Variants in KCNQ1 observed in about 807,000 individuals in gnomAD.
The protein encoded by KCNQ1 is potassium voltage-gated channel subfamily Q member 1, also known as potassium voltage-gated channel subfamily KQT member 1.
KCNQ1 carries 49 observed loss-of-function variants against 72.4 expected under a neutral mutation model. The ratio of observed to expected loss-of-function variants is 0.68; its 90% CI spans 0.54 to 0.86. The LOEUF (loss-of-function observed/expected upper bound fraction) is 0.86, where lower values mean the gene tolerates loss of function less well. KCNQ1 is among the 40% of genes least tolerant of loss of function. The pLI is 0.00. For missense variants in KCNQ1, 790 were observed against 945.1 expected (o/e 0.84, Z 2.15); for synonymous variants, 450 against 412.6 (o/e 1.09, Z -1.10).
At position 2,651,918 on chromosome 11, in the gene KCNQ1, TCTCCTCCTACTCA is replaced by T; in HGVS notation, c.1394-10041_1394-10029del. The stretch of plus-strand genomic sequence containing the variant: ...CGAGGGTCCCTCTGGGGCCGCTTGC[TCTCCTCCTACTCA>T]CAGCCCTCCTGCAGCCAGCAGCAGT... On this transcript the variant is annotated intron_variant, in intron 10 of 15. Coordinates refer to ENST00000155840, the MANE Select transcript of KCNQ1 (RefSeq NM_000218.3). This position sits in a 1 kb window ranked among gnomAD's most constrained non-coding sequence, Gnocchi z 6.1. The T allele has an allele frequency of 2.5e-6, 1 of 398,732 alleles. No individual in the cohort carries two copies. Among genetic ancestry groups the T allele is most frequent in the East Asian group, 3.6e-5 (1 of 28,072 alleles). The allele number at this position is 398,732 out of a possible 1,614,324, so 24.7% of individuals were successfully genotyped here.
intron 11 of KCNQ1, among the ~76,000 whole-genome samples, chr11:2,744,932 G>C (rs1281149754): frequency 6.6e-6 from 1 of 152,052 alleles, no homozygotes; most frequent in Admixed American, 6.6e-5. Context: ...TCATCTTTGT[G>C]GTCTAGTGTG....
rs1052879668 is a variant in KCNQ1, at chr11:2,488,415, G to T, written c.387-39513G>T. ...CCCTCCTCTTTAATTTTTTGGGAAA[G>T]ATTGAGAAGGATGGGAGTTTATTCT... On this transcript the variant is annotated intron_variant, in intron 1 of 15. Transcript: ENST00000155840. This position sits in a 1 kb window ranked among gnomAD's most constrained non-coding sequence, Gnocchi z 5.1. Among the ~76,000 whole-genome samples the T allele has an allele frequency of 5.3e-5, 8 of 152,278 alleles. No homozygotes were observed. The highest frequency in any genetic ancestry group is 3.3e-4 in the Admixed American group (5 of 15,298).
chr11:2,555,090 C>T (rs904873386), intron 2 of KCNQ1, among the ~76,000 whole-genome samples: 8 of 152,254 alleles, frequency 5.3e-5, no homozygotes, highest in East Asian at 3.9e-4. Context: ...CCTGAAGGGC[C>T]GGTGTGGGTT....
intron 10 of KCNQ1, chr11:2,614,165 C>G: frequency 2.5e-6 from 1 of 398,582 alleles, no homozygotes; most frequent in Non-Finnish European, 4.4e-6. Flanking sequence ...TAAATCGAAT[C>G]TACCCCCAAG....
chr11:2,619,267 A>G (rs1054459170), intron 10 of KCNQ1: 4 of 398,434 alleles, frequency 1.0e-5, no homozygotes, highest in Non-Finnish European at 1.8e-5. Flanking sequence ...TCATAGTAGA[A>G]GGGCTTCTGT....
chr11:2,625,741 T>G (rs963500224), intron 10 of KCNQ1: 1 of 397,678 alleles, frequency 2.5e-6, no homozygotes, highest in African/African-American at 2.1e-5. Context: ...GGCTAATTTT[T>G]TGTATTTTTA....
intron 11 of KCNQ1, chr11:2,689,332 C>A (rs1273985724): frequency 5.0e-6 from 2 of 398,508 alleles, no homozygotes; most frequent in Admixed American, 8.8e-5. Context: ...TGCCCCTATC[C>A]GCAGAGCTTG....
rs1192424479 is a variant in KCNQ1, at chr11:2,626,843, A to G, written c.1394-35118A>G. 10 of 398,462 alleles carry G rather than the reference A, an allele frequency of 2.5e-5. No homozygotes were observed. Among genetic ancestry groups the G allele is most frequent in the East Asian group, 3.6e-5 (1 of 28,080 alleles). The allele number at this position is 398,462 out of a possible 1,614,324, so 24.7% of individuals were successfully genotyped here. On this transcript the variant is annotated intron_variant, in intron 10 of 15. Coordinates refer to ENST00000155840, the MANE Select transcript of KCNQ1 (RefSeq NM_000218.3). The surrounding 1 kb of genome is among the most constrained non-coding windows in gnomAD (Gnocchi z 4.0). ...GTACCTGGCCTGTAGTAAGTTTTCA[A>G]ATCAGAAAGTGTGAGTCCTCCAATG...
Position 2,734,335 on chromosome 11 carries a change from G to A in KCNQ1, c.1515-34509G>A, listed in dbSNP as rs550775569. On this transcript the variant is annotated intron_variant, in intron 11 of 15. Transcript: ENST00000155840. The surrounding 1 kb of genome is among the most constrained non-coding windows in gnomAD (Gnocchi z 7.0). ...AAGGCTGGACTTTCCGTGAGGTGGC[G>A]GGGAGCACCAAGGGTAGAGGCAGGG... 1.1e-4 allele frequency among the ~76,000 whole-genome samples: 16 copies of A among 152,372 alleles called. No individual in the cohort carries two copies. Among genetic ancestry groups the A allele is most frequent in the East Asian group, 3.9e-4 (2 of 5,180 alleles).
intron 2 of KCNQ1, among the ~76,000 whole-genome samples, chr11:2,532,553 A>G (rs1372245941): frequency 6.6e-6 from 1 of 152,168 alleles, no homozygotes; most frequent in Non-Finnish European, 1.5e-5. Context: ...TGGCCTTGAC[A>G]GGCGGATGTA....
intron 2 of KCNQ1, among the ~76,000 whole-genome samples, chr11:2,561,362 G>A (rs1232221866): frequency 6.6e-6 from 1 of 152,208 alleles, no homozygotes; most frequent in African/African-American, 2.4e-5. Flanking sequence ...CTTCTGTGCT[G>A]TGTGCAGCAT....
intron 2 of KCNQ1, among the ~76,000 whole-genome samples, chr11:2,534,255 CGCCCGCAG>C (rs569169969): frequency 2.8e-4 from 42 of 152,240 alleles, no homozygotes; most frequent in Admixed American, 5.9e-4. Context: ...TTGCTCAGGG[CGCCCGCAG>C]GCCCGCAGGT....
At chr11:2,697,952 A>G (rs1418096300) in intron 11 of KCNQ1, 2 of 398,676 alleles carry the variant, frequency 5.0e-6, no homozygotes, top group Non-Finnish European at 8.8e-6. Flanking sequence ...ACATTAAAAT[A>G]CACCCATAAT....
At chr11:2,692,672 ATTAG>A (rs942249600) in intron 11 of KCNQ1, 19 of 398,522 alleles carry the variant, frequency 4.8e-5, no homozygotes, top group African/African-American at 2.3e-4. Flanking sequence ...GTCCTTCAAC[ATTAG>A]TTAGTCTTTC....
chr11:2,631,887 G>A (rs1318606420), intron 10 of KCNQ1: 4 of 397,980 alleles, frequency 1.0e-5, no homozygotes, highest in Non-Finnish European at 1.8e-5. Flanking sequence ...TTAATGTATA[G>A]AAATGCAACT....
In KCNQ1 at chr11:2,767,093, G is replaced by A. The variant is rs764109161; in HGVS notation, c.1515-1751G>A. Among the ~76,000 whole-genome samples, 4 of 152,192 alleles carry A rather than the reference G, an allele frequency of 2.6e-5. No individual in the cohort carries two copies. The highest frequency in any genetic ancestry group is 5.9e-5 in the Non-Finnish European group (4 of 68,042). On this transcript the variant is annotated intron_variant, in intron 11 of 15. Coordinates refer to ENST00000155840, the MANE Select transcript of KCNQ1 (RefSeq NM_000218.3). This position sits in a 1 kb window ranked among gnomAD's most constrained non-coding sequence, Gnocchi z 4.6. The stretch of plus-strand genomic sequence containing the variant: ...TGAGGCAGAAAAATCACTTGAACCC[G>A]GGAGGCGGAGGCTGCAGTGAGCCGA...
chr11:2,629,486 C>T, intron 10 of KCNQ1: 1 of 398,384 alleles, frequency 2.5e-6, no homozygotes, highest in Non-Finnish European at 4.4e-6. Flanking sequence ...GTCTGTGGTC[C>T]ACTTTGAGTT....
At position 2,565,707 on chromosome 11, in the gene KCNQ1, C is replaced by T. The variant is rs893641914; in HGVS notation, c.478-4921C>T. Among the ~76,000 whole-genome samples, 3 of 152,168 alleles carry T rather than the reference C, an allele frequency of 2.0e-5. No individual in the cohort carries two copies. Among genetic ancestry groups the T allele is most frequent in the East Asian group, 1.9e-4 (1 of 5,196 alleles). ...AGGCCTTGCTAGAAAAGCATACAGT[C>T]GAACGAGTGGGTCCGATGTGGAGTG... On this transcript the variant is annotated intron_variant, in intron 2 of 15. Coordinates refer to ENST00000155840, the MANE Select transcript of KCNQ1 (RefSeq NM_000218.3). This position sits in a 1 kb window ranked among gnomAD's most constrained non-coding sequence, Gnocchi z 5.6.
At position 2,537,957 on chromosome 11, in the gene KCNQ1, C is replaced by T. The variant is rs1326287712; in HGVS notation, c.477+9939C>T. ...TCTTAAACTCCTGAGTTCAAACAAT[C>T]CTCCCACCTCGGCCAACCCAAAGTG... On this transcript the variant is annotated intron_variant, in intron 2 of 15. Coordinates refer to ENST00000155840, the MANE Select transcript of KCNQ1 (RefSeq NM_000218.3). This position sits in a 1 kb window ranked among gnomAD's most constrained non-coding sequence, Gnocchi z 5.2. 6.6e-6 allele frequency among the ~76,000 whole-genome samples: 1 copy of T among 152,172 alleles called. No individual in the cohort carries two copies. The highest frequency in any genetic ancestry group is 1.5e-5 in the Non-Finnish European group (1 of 68,046).
Sources: allele counts gnomAD v4.1 joint callset (sites outside exome capture counted in the v4.1 genomes callset), GRCh38; gene constraint gnomAD v4.1.1; non-coding constraint Gnocchi (gnomAD v3.1); transcripts MANE v1.5; gene names NCBI Gene and HGNC (gene_info 2026-07-23, HGNC 2026-07-21).